The following NKAIN3 variants were observed in gnomAD, a reference collection of about 807,000 sequenced individuals.
NKAIN3 encodes the protein sodium/potassium-transporting ATPase subunit beta-1-interacting protein 3.
NKAIN3 carries 25 observed loss-of-function variants against 30.2 expected under a neutral mutation model. That is an observed-to-expected ratio of 0.83 (90% CI 0.60 to 1.16). The LOEUF is 1.16. Ranked by LOEUF, NKAIN3 falls within the 50% of genes most tolerant of loss-of-function variation. The pLI is 0.00. For missense variants in NKAIN3, 225 were observed against 254.1 expected (o/e 0.89, Z 0.78); for synonymous variants, 91 against 89.6 (o/e 1.02, Z -0.09).
chr8:62,572,406 T>A (rs1417055869), intron 1 of NKAIN3, among the ~76,000 whole-genome samples: 1 of 152,220 alleles, frequency 6.6e-6, no homozygotes, highest in East Asian at 1.9e-4. Context: ...CAAACTTTCC[T>A]ACATCTTTCT....
At chr8:62,382,476 A>G (rs1817306953) in intron 1 of NKAIN3, among the ~76,000 whole-genome samples, 1 of 152,134 alleles carries the variant, frequency 6.6e-6, no homozygotes, top group African/African-American at 2.4e-5. Context: ...ACAGAAATAC[A>G]TGATAATTTC....
intron 4 of NKAIN3, among the ~76,000 whole-genome samples, chr8:62,768,132 G>A (rs1487437786): frequency 6.6e-6 from 1 of 152,116 alleles, no homozygotes; most frequent in Non-Finnish European, 1.5e-5. Context: ...TCATTGGACT[G>A]TTCTAAGTGT....
chr8:62,911,001 A>G (rs539813019), intron 4 of NKAIN3, among the ~76,000 whole-genome samples: 1 of 152,338 alleles, frequency 6.6e-6, no homozygotes, highest in Admixed American at 6.5e-5. Flanking sequence ...AGCCAATATT[A>G]GAAAACACCA....
rs529644244 is a variant in NKAIN3, at chr8:62,736,069, G to C, written c.274-10863G>C. Among the ~76,000 whole-genome samples the C allele has an allele frequency of 8.5e-5, 13 of 152,350 alleles. No homozygotes were observed. The South Asian group carries it at 2.7e-3, about 32-fold the overall frequency. On this transcript the variant is annotated intron_variant, in intron 3 of 6. Coordinates refer to ENST00000623646, the MANE Select transcript of NKAIN3 (RefSeq NM_001304533.3). Reference sequence around the variant, plus strand: ...AGCAAGGGAGTGAAGTGGACTCTGTGAAAGACCTTGGTTTTATTTTTGTTT... The same window carrying C: ...AGCAAGGGAGTGAAGTGGACTCTGTCAAAGACCTTGGTTTTATTTTTGTTT...
chr8:62,966,890 C>T lies in NKAIN3; in HGVS notation c.*1483C>T, dbSNP rs1823726376. ...TATGTGTGTGAAAGTCTTTTTTCTT[C>T]TTGTTCTTCTTTCGGAGCCTATAGG... On this transcript the variant is annotated 3_prime_UTR_variant, in exon 7 of 7. Coordinates refer to ENST00000623646, the MANE Select transcript of NKAIN3 (RefSeq NM_001304533.3). Among the ~76,000 whole-genome samples the T allele has an allele frequency of 6.6e-6, 1 of 152,084 alleles. No homozygotes were observed. The highest frequency in any genetic ancestry group is 1.5e-5 in the Non-Finnish European group (1 of 68,000).
At chr8:62,534,172 G>T (rs1808576394) in intron 1 of NKAIN3, among the ~76,000 whole-genome samples, 1 of 152,182 alleles carries the variant, frequency 6.6e-6, no homozygotes, top group Admixed American at 6.5e-5. Flanking sequence ...TCTGCCCCCG[G>T]CTAGGCTTGT....
chr8:62,855,794 A>G, intron 4 of NKAIN3: 1 of 1,003,730 alleles, frequency 1.0e-6, no homozygotes, highest in Non-Finnish European at 1.6e-6. Flanking sequence ...TATCATCAGC[A>G]AAGAGTAAAA....
chr8:62,749,754 T>C (rs1816214820), intron 4 of NKAIN3, among the ~76,000 whole-genome samples: 2 of 148,836 alleles, frequency 1.3e-5, no homozygotes, highest in African/African-American at 2.5e-5. Context: ...GTGATCTCGG[T>C]TCACTGCAAC....
intron 1 of NKAIN3, among the ~76,000 whole-genome samples, chr8:62,460,800 C>T (rs1325174037): frequency 1.3e-5 from 2 of 152,174 alleles, no homozygotes; most frequent in Non-Finnish European, 2.9e-5. Flanking sequence ...TGAGAAAAGC[C>T]TTTGCTCAGA....
intron 4 of NKAIN3, among the ~76,000 whole-genome samples, chr8:62,889,167 G>A (rs1191337659): frequency 1.3e-5 from 2 of 152,044 alleles, no homozygotes; most frequent in Non-Finnish European, 1.5e-5. Flanking sequence ...TCAGGAGTTC[G>A]AGACCGCCCT....
intron 1 of NKAIN3, among the ~76,000 whole-genome samples, chr8:62,370,152 A>G (rs1816862060): frequency 1.3e-5 from 2 of 152,066 alleles, no homozygotes; most frequent in Non-Finnish European, 1.5e-5. Flanking sequence ...GAGAAATAGT[A>G]TAAAGTATCT....
At chr8:62,333,379 G>A (rs757695691) in intron 1 of NKAIN3, among the ~76,000 whole-genome samples, 5 of 151,974 alleles carry the variant, frequency 3.3e-5, no homozygotes, top group Admixed American at 1.3e-4. Flanking sequence ...ATGTCCCATC[G>A]GCCAAATGAA....
intron 1 of NKAIN3, among the ~76,000 whole-genome samples, chr8:62,561,515 A>C (rs138652079): frequency 6.6e-6 from 1 of 152,270 alleles, no homozygotes; most frequent in Non-Finnish European, 1.5e-5. Context: ...AAAATATTTA[A>C]GCAATGTAGG....
chr8:62,406,071 T>G (rs577219675), intron 1 of NKAIN3, among the ~76,000 whole-genome samples: 6 of 152,342 alleles, frequency 3.9e-5, no homozygotes, highest in African/African-American at 1.4e-4. Context: ...ATAATTTATC[T>G]TACTCACCAT....
At chr8:62,862,632 T>G (rs767696578) in intron 4 of NKAIN3, among the ~76,000 whole-genome samples, 6 of 152,124 alleles carry the variant, frequency 3.9e-5, no homozygotes, top group Non-Finnish European at 7.4e-5. Context: ...TAAAATAGAT[T>G]CAATAGTTTT....
intron 3 of NKAIN3, among the ~76,000 whole-genome samples, chr8:62,671,740 G>C (rs1033485836): frequency 6.6e-6 from 1 of 152,064 alleles, no homozygotes; most frequent in Non-Finnish European, 1.5e-5. Flanking sequence ...CTGGGGTTCT[G>C]TCTCTGCCTC....
At chr8:62,504,866 T>C (rs774297396) in intron 1 of NKAIN3, among the ~76,000 whole-genome samples, 1 of 152,152 alleles carries the variant, frequency 6.6e-6, no homozygotes, top group Non-Finnish European at 1.5e-5. Context: ...GTTCTCAATG[T>C]CCCTCAAACA....
At chr8:62,811,247 T>C (rs1306157115) in intron 4 of NKAIN3, among the ~76,000 whole-genome samples, 4 of 152,152 alleles carry the variant, frequency 2.6e-5, no homozygotes, top group African/African-American at 7.2e-5. Context: ...GGGTGTACCA[T>C]AGCTTATTTA....
At chr8:62,760,439 T>G (rs918994340) in intron 4 of NKAIN3, among the ~76,000 whole-genome samples, 1 of 152,162 alleles carries the variant, frequency 6.6e-6, no homozygotes, top group Non-Finnish European at 1.5e-5. Flanking sequence ...TGGAATACCA[T>G]GCAGCCATAA....
Sources: allele counts gnomAD v4.1 joint callset (sites outside exome capture counted in the v4.1 genomes callset), GRCh38; gene constraint gnomAD v4.1.1; transcripts MANE v1.5; gene names NCBI Gene and HGNC (gene_info 2026-07-23, HGNC 2026-07-21).